Variants in TRAPPC9 observed in about 807,000 individuals in gnomAD.
TRAPPC9 encodes the protein trafficking protein particle complex subunit 9.
Under a neutral mutation model 124.0 loss-of-function variants are expected in TRAPPC9, and 83 were observed. The observed-to-expected ratio is 0.67, with a 90% CI of 0.56 to 0.80. The LOEUF (loss-of-function observed/expected upper bound fraction) is 0.80. Ranked by LOEUF, TRAPPC9 falls within the 30% of genes least tolerant of loss-of-function variation. The pLI, the probability that TRAPPC9 is intolerant of heterozygous loss-of-function variation, is 0.00. For synonymous variants in TRAPPC9, 638 were observed against 617.5 expected, an observed-to-expected ratio of 1.03 and a Z score of -0.49; for missense variants, 1,302 against 1,508.3, an observed-to-expected ratio of 0.86 and a Z score of 2.27.
chr8:139,953,683 T>C (rs1301642756), intron 19 of TRAPPC9, among the ~76,000 whole-genome samples: 1 of 152,202 alleles, frequency 6.6e-6, no homozygotes, highest in African/African-American at 2.4e-5. Context: ...ATCTAGAGTA[T>C]GTGACGATCT....
chr8:140,445,179 G>T (rs192684055), intron 2 of TRAPPC9, among the ~76,000 whole-genome samples: 2 of 152,220 alleles, frequency 1.3e-5, no homozygotes, highest in East Asian at 3.9e-4. Context: ...ACAGCCCACC[G>T]GCTACTCTGT....
At chr8:140,039,734 T>C (rs988910171) in intron 17 of TRAPPC9, 2 of 152,252 alleles carry the variant, frequency 1.3e-5, no homozygotes, top group African/African-American at 4.8e-5. Context: ...GCTATGGTGC[T>C]AGCGATATCC....
chr8:140,172,112 AAAGG>A (rs1324424044), intron 17 of TRAPPC9, among the ~76,000 whole-genome samples: 1 of 152,204 alleles, frequency 6.6e-6, no homozygotes, highest in African/African-American at 2.4e-5. Flanking sequence ...GTGGCCACAC[AAAGG>A]AAGAACTGTC....
intron 14 of TRAPPC9, among the ~76,000 whole-genome samples, chr8:140,281,398 T>C (rs1485395484): frequency 6.6e-6 from 1 of 152,230 alleles, no homozygotes; most frequent in African/African-American, 2.4e-5. Flanking sequence ...TATGAGCTAT[T>C]TGTATATCTT....
intron 21 of TRAPPC9, among the ~76,000 whole-genome samples, chr8:139,837,851 G>C (rs1358155768): frequency 2.0e-5 from 3 of 151,676 alleles, no homozygotes; most frequent in Non-Finnish European, 4.4e-5. Flanking sequence ...GCCCATGTCT[G>C]TCTGTCCACA....
Position 139,965,908 on chromosome 8 carries a change from C to T in TRAPPC9, c.2810+22818G>A, listed in dbSNP as rs137902284. On this transcript the variant is annotated intron_variant, in intron 19 of 22. Transcript: ENST00000438773. Reference sequence around the variant, plus strand: ...CAGTGAGGGAAGCACAGCAGACTGACATCTCGGGCTGACATCTCGCACAGC... The same window carrying T: ...CAGTGAGGGAAGCACAGCAGACTGATATCTCGGGCTGACATCTCGCACAGC... Among the ~76,000 whole-genome samples the T allele has an allele frequency of 2.3e-3, 344 of 152,358 alleles. 1 individual carries two copies. Among genetic ancestry groups the T allele is most frequent in the African/African-American group, 8.1e-3 (335 of 41,586 alleles).
chr8:140,176,547 G>A (rs1184380851), intron 17 of TRAPPC9, among the ~76,000 whole-genome samples: 1 of 152,222 alleles, frequency 6.6e-6, no homozygotes, highest in African/African-American at 2.4e-5. Flanking sequence ...GTATGTTAAA[G>A]TGTGTTTATC....
intron 5 of TRAPPC9, among the ~76,000 whole-genome samples, chr8:140,407,420 G>T (rs1236607885): frequency 6.6e-6 from 1 of 151,482 alleles, no homozygotes; most frequent in East Asian, 1.9e-4. Context: ...TTGGAGAAAT[G>T]GTGGGGGGGG....
chr8:140,085,600 A>G (rs959603786), intron 17 of TRAPPC9, among the ~76,000 whole-genome samples: 2 of 152,226 alleles, frequency 1.3e-5, no homozygotes, highest in Non-Finnish European at 2.9e-5. Context: ...GAGGGAGCCC[A>G]GGACTTTCAA....
At chr8:140,085,868 C>T (rs1025159901) in intron 17 of TRAPPC9, among the ~76,000 whole-genome samples, 1 of 152,174 alleles carries the variant, frequency 6.6e-6, no homozygotes, top group Non-Finnish European at 1.5e-5. Context: ...TAAAAATAAA[C>T]ATTTCTTCTT....
intron 14 of TRAPPC9, among the ~76,000 whole-genome samples, chr8:140,277,950 C>G (rs926052164): frequency 5.9e-5 from 9 of 152,248 alleles, no homozygotes; most frequent in Admixed American, 5.9e-4. Flanking sequence ...TGAGGGAGCC[C>G]CTGGGTCTCA....
intron 21 of TRAPPC9, among the ~76,000 whole-genome samples, chr8:139,827,035 A>T (rs1465143048): frequency 6.6e-6 from 1 of 152,242 alleles, no homozygotes; most frequent in Non-Finnish European, 1.5e-5. Context: ...GTAGCTCCCA[A>T]TGCAGGAGCT....
At chr8:139,763,613 C>CGCACACATGCACATAA (rs1359769620) in intron 21 of TRAPPC9, among the ~76,000 whole-genome samples, 1 of 112,362 alleles carries the variant, frequency 8.9e-6, no homozygotes, top group Non-Finnish European at 2.0e-5. Context: ...CACATAAACA[C>CGCACACATGCACATAA]ACACACACAC....
At position 140,101,532 on chromosome 8, in the gene TRAPPC9, C is replaced by CTTTTTTT. The variant is rs1234280796; in HGVS notation, c.2557-77460_2557-77454dup. ...ACTTGGGTTGGTTTTGTAGGGTTTT[C>CTTTTTTT]TTTTTTTTGTTTTTTTTTTTTTTTT... is the stretch of plus-strand genomic sequence containing the variant. On this transcript the variant is annotated intron_variant, in intron 17 of 22. Coordinates refer to ENST00000438773, the MANE Select transcript of TRAPPC9 (RefSeq NM_001160372.4). 9.4e-4 allele frequency among the ~76,000 whole-genome samples: 74 copies of CTTTTTTT among 78,722 alleles called. 12 individuals are homozygous for CTTTTTTT. Among genetic ancestry groups the CTTTTTTT allele is most frequent in the African/African-American group, 1.9e-3 (30 of 15,566 alleles). The allele number at this position is 78,722 out of a possible 152,430, so 51.6% of individuals were successfully genotyped here.
chr8:139,940,106 G>T (rs1024527405), intron 19 of TRAPPC9, among the ~76,000 whole-genome samples: 5 of 152,210 alleles, frequency 3.3e-5, no homozygotes, highest in African/African-American at 1.2e-4. Flanking sequence ...CCCGTCGTTT[G>T]GTTGGAACAC....
At chr8:140,404,946 G>C (rs1044877338) in intron 6 of TRAPPC9, among the ~76,000 whole-genome samples, 1 of 150,882 alleles carries the variant, frequency 6.6e-6, no homozygotes, top group Non-Finnish European at 1.5e-5. Flanking sequence ...GTGTGTGTGT[G>C]TCTCATAGGC....
intron 6 of TRAPPC9, among the ~76,000 whole-genome samples, chr8:140,401,882 T>A (rs2132408658): frequency 6.6e-6 from 1 of 151,370 alleles, no homozygotes; most frequent in Non-Finnish European, 1.5e-5. Flanking sequence ...CACCTCAGCC[T>A]CCCAAAGTGC....
At chr8:139,741,200 T>C (rs1818538075) in intron 21 of TRAPPC9, among the ~76,000 whole-genome samples, 1 of 152,116 alleles carries the variant, frequency 6.6e-6, no homozygotes, top group Non-Finnish European at 1.5e-5. Context: ...CCGGGCGTGA[T>C]GCCCCCTCCC....
intron 17 of TRAPPC9, among the ~76,000 whole-genome samples, chr8:140,093,412 A>T (rs1425335231): frequency 6.6e-6 from 1 of 152,242 alleles, no homozygotes; most frequent in East Asian, 1.9e-4. Flanking sequence ...TCACACCTGT[A>T]ATCCCACCAT....
Sources: allele counts gnomAD v4.1 joint callset (sites outside exome capture counted in the v4.1 genomes callset), GRCh38; gene constraint gnomAD v4.1.1; transcripts MANE v1.5; gene names NCBI Gene and HGNC (gene_info 2026-07-23, HGNC 2026-07-21).